Variants in FGD6 observed in about 807,000 individuals in gnomAD.
FGD6 encodes the protein FYVE, RhoGEF and PH domain-containing protein 6.
A neutral mutation model predicts 149.4 loss-of-function variants in FGD6; 90 were observed. The ratio of observed to expected loss-of-function variants is 0.60; its 90% CI spans 0.51 to 0.72. The LOEUF (loss-of-function observed/expected upper bound fraction) is 0.72, where lower values mean the gene tolerates loss of function less well. Ranked by LOEUF, FGD6 falls within the 30% of genes least tolerant of loss-of-function variation. The pLI, the probability that FGD6 is intolerant of heterozygous loss-of-function variation, is 0.00. For missense variants in FGD6, 1,437 were observed against 1,684.8 expected, an observed-to-expected ratio of 0.85 and a Z score of 2.57; for synonymous variants, 527 against 584.0, an observed-to-expected ratio of 0.90 and a Z score of 1.41.
intron 5 of FGD6, among the ~76,000 whole-genome samples, chr12:95,142,178 G>C (rs552012374): frequency 1.4e-5 from 2 of 145,114 alleles, no homozygotes; most frequent in Admixed American, 7.1e-5. Flanking sequence ...GTCTCGCACT[G>C]TCACCCACGC....
chr12:95,210,497 T>C lies in FGD6; in HGVS notation c.787A>G (p.Ser263Gly). The C allele has an allele frequency of 6.2e-7, 1 of 1,614,002 alleles. No homozygotes were observed. The highest frequency in any genetic ancestry group is 8.5e-7 in the Non-Finnish European group (1 of 1,180,002). ...TCAGATGACTGAAAGCAATTATTGCTTTTTTCACTGTCATCCTGGCAAGTT... is the reference window on the plus strand; with the variant it reads ...TCAGATGACTGAAAGCAATTATTGCCTTTTTCACTGTCATCCTGGCAAGTT... ...FETCQDDSEK[S>G]NNCFQSSELE... Residue 263 changes from serine (S) to glycine (G), a missense_variant, in exon 2 of 21, where the codon AGC becomes GGC. Ser to Gly is a moderately conservative substitution (Grantham distance 56, BLOSUM62 0). Around this residue, in one of 2 missense-constraint regions of FGD6, gnomAD observed 1,055 missense variants for 1,146.0 expected, o/e 0.92. Transcript: ENST00000343958.
At chr12:95,086,640 C>T (rs928939217) in intron 18 of FGD6, among the ~76,000 whole-genome samples, 14 of 144,280 alleles carry the variant, frequency 9.7e-5, no homozygotes, top group Admixed American at 2.1e-4. Context: ...CCCAGGTTCA[C>T]GCCATTCTCC....
chr12:95,079,450 G>A lies in FGD6; in HGVS notation c.*2070C>T, dbSNP rs911911243. The A allele has an allele frequency of 1.3e-5, 2 of 152,212 alleles. No homozygotes were observed. The highest frequency in any genetic ancestry group is 4.8e-5 in the African/African-American group (2 of 41,444). 9.4% of individuals were successfully genotyped at this position (152,212 alleles called of 1,614,324 possible). ...ATATTTTTTAGATTATAAGGCTTAAGCCAAACCTTGTAGTCAGAAGGCTGA... is the reference window on the plus strand; with the variant it reads ...ATATTTTTTAGATTATAAGGCTTAAACCAAACCTTGTAGTCAGAAGGCTGA... On this transcript the variant is annotated 3_prime_UTR_variant, in exon 21 of 21. Transcript: ENST00000343958.
rs1005831735 is a variant in FGD6, at chr12:95,077,707, A to G, written c.*3813T>C. 6.6e-6 allele frequency: 1 copy of G among 152,274 alleles called. No homozygotes were observed. The highest frequency in any genetic ancestry group is 1.5e-5 in the Non-Finnish European group (1 of 68,058). 9.4% of individuals were successfully genotyped at this position (152,274 alleles called of 1,614,324 possible). On this transcript the variant is annotated 3_prime_UTR_variant, in exon 21 of 21. Coordinates refer to ENST00000343958, the MANE Select transcript of FGD6 (RefSeq NM_018351.4). ...AAGGACTTGAACCAGGGCCTATGTA[A>G]TAACAGCAGGGCAATGAGGATGGAA... is the stretch of plus-strand genomic sequence containing the variant.
At chr12:95,190,893 A>T (rs566286855) in intron 2 of FGD6, among the ~76,000 whole-genome samples, 25 of 152,156 alleles carry the variant, frequency 1.6e-4, no homozygotes, top group East Asian at 1.4e-3. Flanking sequence ...TCTATATTTT[A>T]AAAAAAAGTT....
chr12:95,211,131 T>C lies in FGD6; in HGVS notation c.153A>G (p.Ala51=). The C allele has an allele frequency of 6.2e-7, 1 of 1,614,244 alleles. No individual in the cohort carries two copies. The highest frequency in any genetic ancestry group is 8.5e-7 in the Non-Finnish European group (1 of 1,180,044). The change falls in exon 2 of 21, where the codon GCA becomes GCG. Residue 51 remains alanine (A), a synonymous_variant. Transcript: ENST00000343958. The stretch of plus-strand genomic sequence containing the variant: ...TCAGGACTTTTGGTTTTGGGGCTAT[T>C]GCTGGTTTCATTTTCTTTGTCGACT... The part of the protein sequence containing the change: ...VPQSTKKMKP[A]IAPKPKVLKT...
chr12:95,111,669 C>T (rs959864626), intron 9 of FGD6, among the ~76,000 whole-genome samples: 1 of 152,048 alleles, frequency 6.6e-6, no homozygotes, highest in South Asian at 2.1e-4. Flanking sequence ...CTGTCCTGCT[C>T]GGTGCACCCT....
chr12:95,200,650 G>C (rs2056651977), intron 2 of FGD6, among the ~76,000 whole-genome samples: 1 of 152,312 alleles, frequency 6.6e-6, no homozygotes, highest in South Asian at 2.1e-4. Context: ...GAAGACAGCT[G>C]TTCTTCCCAG....
chr12:95,094,159 C>CA (rs112167103), intron 15 of FGD6, among the ~76,000 whole-genome samples: 106 of 126,596 alleles, frequency 8.4e-4, no homozygotes, highest in East Asian at 2.9e-3. Context: ...AATTCTGTCT[C>CA]AAAAAAAAAA....
At chr12:95,187,728 C>A (rs1881484629) in intron 2 of FGD6, among the ~76,000 whole-genome samples, 1 of 151,850 alleles carries the variant, frequency 6.6e-6, no homozygotes, top group Admixed American at 6.6e-5. Context: ...CAGCTCATCA[C>A]CAGCTTAAAG....
chr12:95,190,390 G>A (rs1015837866), intron 2 of FGD6, among the ~76,000 whole-genome samples: 2 of 152,062 alleles, frequency 1.3e-5, no homozygotes, highest in African/African-American at 2.4e-5. Context: ...GGCTGGTTTC[G>A]AACTCCTGAC....
chr12:95,099,757 T>C (rs1056050750), intron 14 of FGD6, among the ~76,000 whole-genome samples: 3 of 152,132 alleles, frequency 2.0e-5, no homozygotes, highest in African/African-American at 4.8e-5. Context: ...GTGTGATCTT[T>C]CACAAACATA....
chr12:95,192,137 A>G (rs188675171), intron 2 of FGD6, among the ~76,000 whole-genome samples: 6 of 152,342 alleles, frequency 3.9e-5, no homozygotes, highest in Middle Eastern at 3.4e-3. Flanking sequence ...CTAAAAGTCT[A>G]AAAGTCTGTA....
At chr12:95,142,439 A>G (rs1006862561) in intron 5 of FGD6, among the ~76,000 whole-genome samples, 5 of 151,960 alleles carry the variant, frequency 3.3e-5, no homozygotes, top group Admixed American at 2.0e-4. Flanking sequence ...CACTGCACCC[A>G]GCCCATTTTT....
rs78829929 is a variant in FGD6, at chr12:95,145,640, T to C, written c.2686-4101A>G. On this transcript the variant is annotated intron_variant, in intron 5 of 20. Coordinates refer to ENST00000343958, the MANE Select transcript of FGD6 (RefSeq NM_018351.4). ...TATTTGGAGTTGAGCCCAATCTCTC[T>C]CCACTACTGCAAAATCCCATTGCAG... 9.5e-3 allele frequency among the ~76,000 whole-genome samples: 1,449 copies of C among 152,226 alleles called. 21 individuals carry two copies. The highest frequency in any genetic ancestry group is 0.033 in the African/African-American group (1,371 of 41,524).
At chr12:95,088,187 CTG>C (rs1826510414) in intron 18 of FGD6, among the ~76,000 whole-genome samples, 1 of 152,182 alleles carries the variant, frequency 6.6e-6, no homozygotes, top group African/African-American at 2.4e-5. Context: ...AATCACCTAA[CTG>C]ATCCACAAAA....
intron 12 of FGD6, 74 bp from the exon 13 acceptor site, chr12:95,107,111 G>A (rs1878654312): frequency 9.3e-6 from 10 of 1,072,218 alleles, no homozygotes; most frequent in African/African-American, 1.6e-5. Context: ...CAAGATACAA[G>A]ATTAAAGGAT....
At chr12:95,114,918 GT>G (rs1156933346) in intron 8 of FGD6, among the ~76,000 whole-genome samples, 1 of 151,932 alleles carries the variant, frequency 6.6e-6, no homozygotes, top group African/African-American at 2.4e-5. Flanking sequence ...CTCCCCATGT[GT>G]CCCCCTGGCT....
At chr12:95,165,459 G>C (rs1880781134) in intron 3 of FGD6, among the ~76,000 whole-genome samples, 1 of 151,326 alleles carries the variant, frequency 6.6e-6, no homozygotes, top group Non-Finnish European at 1.5e-5. Context: ...TCAGCCTCCT[G>C]AGTAGCTGGG....
Sources: gnomAD v4.1 joint callset for allele counts (sites outside exome capture counted in the v4.1 genomes callset) on GRCh38, gnomAD v4.1.1 for gene constraint, gnomAD v4.1.1 regional missense constraint, MANE v1.5 for transcripts, NCBI Gene and HGNC (gene_info 2026-07-23, HGNC 2026-07-21) for gene names.